The following USP6NL variants were observed in gnomAD, a reference collection of about 807,000 sequenced individuals.
The protein encoded by USP6NL is USP6 N-terminal like, also known as USP6 N-terminal-like protein.
Under a neutral mutation model 61.9 loss-of-function variants are expected in USP6NL, and 26 were observed. The ratio of observed to expected loss-of-function variants is 0.42; its 90% CI spans 0.31 to 0.58. The LOEUF (loss-of-function observed/expected upper bound fraction) is 0.58, where lower values mean the gene tolerates loss of function less well. Ranked by LOEUF, USP6NL falls within the 20% of genes least tolerant of loss-of-function variation. The probability of loss-of-function intolerance (pLI) is 0.16; values close to 1 mark genes in which losing one functional copy is unlikely to be tolerated. For synonymous variants in USP6NL, 432 were observed against 390.1 expected (o/e 1.11, Z -1.27); for missense variants, 1,114 against 1,034.3 (o/e 1.08, Z -1.06).
At position 11,600,882 on chromosome 10, in the gene USP6NL, T is replaced by C. The variant is rs1043254793; in HGVS notation, c.-83-3165A>G. On this transcript the variant is annotated intron_variant, in intron 1 of 14. Transcript: ENST00000609104. The surrounding 1 kb of genome is among the most constrained non-coding windows in gnomAD (Gnocchi z 4.1). ...ACTGGAGAGGCTGAGGCAAGAGAAT[T>C]GCTTGAGCCTGGGAGGTGGAGGCTG... 2.0e-5 allele frequency among the ~76,000 whole-genome samples: 3 copies of C among 151,936 alleles called. No homozygotes were observed. The highest frequency in any genetic ancestry group is 6.6e-5 in the Admixed American group (1 of 15,254).
chr10:11,501,109 G>A lies in USP6NL; in HGVS notation c.376C>T (p.Leu126=), dbSNP rs1834169750. 1.2e-6 allele frequency: 2 copies of A among 1,609,334 alleles called. No individual in the cohort carries two copies. The highest frequency in any genetic ancestry group is 1.7e-5 in the Admixed American group (1 of 59,282). Residue 126 remains leucine (L), a synonymous_variant, in exon 7 of 15, where the codon CTG becomes TTG. Transcript: ENST00000609104. ...TAGCTTTAGCTACTCACACTATACA[G>A]GTCCCTTGTTTCTTCTTTCATTTTA... The part of the protein sequence containing the change: ...IPKMKEETRD[L]YSKLKHRARG...
In USP6NL at chr10:11,462,893, C is replaced by G. The variant is rs371261684; in HGVS notation, c.2035G>C (p.Ala679Pro). The G allele has an allele frequency of 2.7e-5, 44 of 1,613,486 alleles. No individual in the cohort carries two copies. The African/African-American group carries it at 5.7e-4, about 21-fold the overall frequency. ...CGGCTGTAAGATTTCTCCGGAGAAG[C>G]ACTGACGGAAAGAGTAGAACCATGA... ...RPHGSTLSVS[A>P]SPEKSYSRPS... Residue 679 changes from alanine to proline, a missense_variant, in exon 15 of 15, where the codon GCT becomes CCT. Coordinates refer to ENST00000609104, the MANE Select transcript of USP6NL (RefSeq NM_014688.5).
intron 2 of USP6NL, chr10:11,564,744 A>T (rs1405376813): frequency 6.6e-6 from 1 of 152,214 alleles, no homozygotes; most frequent in African/African-American, 2.4e-5. Context: ...ACACCTAAAA[A>T]ATCTGAGAAA....
At chr10:11,524,024 AATC>A (rs752650638) in intron 4 of USP6NL, among the ~76,000 whole-genome samples, 6 of 152,226 alleles carry the variant, frequency 3.9e-5, no homozygotes, top group Non-Finnish European at 8.8e-5. Context: ...ACAAATATGC[AATC>A]ATTTCTTGTC....
At chr10:11,571,338 G>A (rs1159973610) in intron 2 of USP6NL, among the ~76,000 whole-genome samples, 3 of 151,858 alleles carry the variant, frequency 2.0e-5, no homozygotes, top group African/African-American at 4.8e-5. Flanking sequence ...CGCCCACCTC[G>A]GCCTCCCAAA....
intron 14 of USP6NL, among the ~76,000 whole-genome samples, chr10:11,477,923 G>C (rs951131918): frequency 2.0e-5 from 3 of 152,166 alleles, no homozygotes; most frequent in African/African-American, 7.2e-5. Flanking sequence ...AGTAATAGAT[G>C]AATACTTTCT....
intron 6 of USP6NL, among the ~76,000 whole-genome samples, chr10:11,507,295 A>G (rs1302760722): frequency 1.3e-5 from 2 of 152,216 alleles, no homozygotes; most frequent in Non-Finnish European, 2.9e-5. Context: ...CACTTGAGCA[A>G]TCTTTCCACA....
chr10:11,497,411 CAAAA>C (rs11307707), intron 7 of USP6NL, among the ~76,000 whole-genome samples: 2 of 106,058 alleles, frequency 1.9e-5, no homozygotes, highest in Non-Finnish European at 3.9e-5. Context: ...GACTCAGTCT[CAAAA>C]AAAAAAAAAA....
Position 11,463,000 on chromosome 10 carries a change from G to A in USP6NL, c.1928C>T (p.Pro643Leu), listed in dbSNP as rs538501442. The change falls in exon 15 of 15, where the codon CCC becomes CTC. Residue 643 changes from proline (P) to leucine (L), a missense_variant. By Grantham distance (98) the Pro-to-Leu change is moderately conservative. Transcript: ENST00000609104. ...SNPPVYHGNSPKHFPTANSSF... is the reference protein window; with the variant it reads ...SNPPVYHGNSLKHFPTANSSF... ...GCTGTTGGCAGTAGGGAAGTGTTTG[G>A]GAGAGTTTCCGTGGTAAACGGGGGG... 3 of 1,613,972 alleles carry A rather than the reference G, an allele frequency of 1.9e-6. No individual in the cohort carries two copies. The South Asian group carries it at 3.3e-5, about 18-fold the overall frequency.
At chr10:11,610,439 T>G (rs2133700943) in intron 1 of USP6NL, among the ~76,000 whole-genome samples, 1 of 152,336 alleles carries the variant, frequency 6.6e-6, no homozygotes, top group South Asian at 2.1e-4. Flanking sequence ...CTGAAGGAAC[T>G]TGCCAGAGAC....
intron 2 of USP6NL, among the ~76,000 whole-genome samples, chr10:11,554,809 T>C: frequency 6.7e-6 from 1 of 149,770 alleles, no homozygotes; most frequent in East Asian, 2.0e-4. Flanking sequence ...AGCTTTTTTT[T>C]TTTTTTTTGA....
intron 2 of USP6NL, among the ~76,000 whole-genome samples, chr10:11,552,108 T>C (rs1305708097): frequency 6.6e-6 from 1 of 152,188 alleles, no homozygotes; most frequent in Non-Finnish European, 1.5e-5. Context: ...AGACTAAACA[T>C]TGAAGTGACA....
At position 11,566,899 on chromosome 10, in the gene USP6NL, C is replaced by T. The variant is rs146196438; in HGVS notation, c.4+30732G>A. Among the ~76,000 whole-genome samples the T allele has an allele frequency of 4.0e-3, 604 of 152,306 alleles. 5 individuals carry two copies. The highest frequency in any genetic ancestry group is 0.014 in the African/African-American group (562 of 41,556). Reference sequence around the variant, plus strand: ...GGCCAAGGCAGGAGGACTGCTTGAGCTCAGGCATTTGAGACCAGCCTGGGC... The same window carrying T: ...GGCCAAGGCAGGAGGACTGCTTGAGTTCAGGCATTTGAGACCAGCCTGGGC... On this transcript the variant is annotated intron_variant, in intron 2 of 14. Coordinates refer to ENST00000609104, the MANE Select transcript of USP6NL (RefSeq NM_014688.5).
intron 14 of USP6NL, among the ~76,000 whole-genome samples, chr10:11,467,586 T>G (rs1168599833): frequency 6.6e-6 from 1 of 152,242 alleles, no homozygotes; most frequent in Non-Finnish European, 1.5e-5. Context: ...AAATAAGGTA[T>G]AGAAACTTGT....
intron 5 of USP6NL, among the ~76,000 whole-genome samples, chr10:11,514,550 G>A (rs12766898): frequency 9.2e-5 from 14 of 151,954 alleles, no homozygotes; most frequent in African/African-American, 2.7e-4. Flanking sequence ...ACTACTTCCC[G>A]TCTGAGTGGC....
rs1375601468 is a variant in USP6NL, at chr10:11,496,420, T to C, written c.385-3192A>G. ...CCTCAGGTTTGCTAAGTTTACTAAA[T>C]GTCTGTCTGCATTCTCATTTTCCAA... On this transcript the variant is annotated intron_variant, in intron 7 of 14. Transcript: ENST00000609104. This position sits in a 1 kb window ranked among gnomAD's most constrained non-coding sequence, Gnocchi z 5.4. Among the ~76,000 whole-genome samples the C allele has an allele frequency of 6.6e-6, 1 of 152,246 alleles. No individual in the cohort carries two copies. The highest frequency in any genetic ancestry group is 2.1e-4 in the South Asian group (1 of 4,836).
Position 11,585,233 on chromosome 10 carries a change from AATGGAAT to A in USP6NL, c.4+12391_4+12397del, listed in dbSNP as rs1837922146. ...ATAAGGGCTAGGAGGATATGGAGAA[AATGGAAT>A]CCTTGAGCAATGTAAGCCGGTGCAA... On this transcript the variant is annotated intron_variant, in intron 2 of 14. Coordinates refer to ENST00000609104, the MANE Select transcript of USP6NL (RefSeq NM_014688.5). This position sits in a 1 kb window ranked among gnomAD's most constrained non-coding sequence, Gnocchi z 4.5. 6.6e-6 allele frequency among the ~76,000 whole-genome samples: 1 copy of A among 152,198 alleles called. No homozygotes were observed. Among genetic ancestry groups the A allele is most frequent in the Non-Finnish European group, 1.5e-5 (1 of 68,046 alleles).
Position 11,589,756 on chromosome 10 carries a change from CCCA to C in USP6NL, c.4+7872_4+7874del, listed in dbSNP as rs1257875096. On this transcript the variant is annotated intron_variant, in intron 2 of 14. Transcript: ENST00000609104. The surrounding 1 kb of genome is among the most constrained non-coding windows in gnomAD (Gnocchi z 4.7). ...AAAAAGACATTGTGACGCCAAATGC[CCCA>C]CAATATAAATGTTAATGAATATCTA... Among the ~76,000 whole-genome samples the C allele has an allele frequency of 6.6e-6, 1 of 152,170 alleles. No individual in the cohort carries two copies. The highest frequency in any genetic ancestry group is 2.4e-5 in the African/African-American group (1 of 41,434).
At chr10:11,568,149 T>TTGTGTGTGTG (rs35053647) in intron 2 of USP6NL, among the ~76,000 whole-genome samples, 161 of 149,706 alleles carry the variant, frequency 1.1e-3, no homozygotes, top group Admixed American at 1.5e-3. Context: ...CGGGAGGTAG[T>TTGTGTGTGTG]TGTGTGTGTG....
Sources: gnomAD v4.1 joint callset for allele counts (sites outside exome capture counted in the v4.1 genomes callset) on GRCh38, gnomAD v4.1.1 for gene constraint, Gnocchi (gnomAD v3.1) non-coding constraint, MANE v1.5 for transcripts, NCBI Gene and HGNC (gene_info 2026-07-23, HGNC 2026-07-21) for gene names.